MANBA: variants seen among roughly 807,000 people sequenced by gnomAD.
The protein encoded by MANBA is mannosidase beta.
Under a neutral mutation model 111.1 loss-of-function variants are expected in MANBA, and 83 were observed. The observed-to-expected ratio is 0.75, with a 90% CI of 0.63 to 0.90. The LOEUF is 0.90. MANBA is among the 40% of genes least tolerant of loss of function. The pLI is 0.00. For missense variants in MANBA, 1,036 were observed against 1,069.0 expected (o/e 0.97, Z 0.43); for synonymous variants, 370 against 378.7 (o/e 0.98, Z 0.27).
At chr4:102,688,574 A>C (rs1336937201) in intron 7 of MANBA, among the ~76,000 whole-genome samples, 1 of 152,212 alleles carries the variant, frequency 6.6e-6, no homozygotes, top group East Asian at 1.9e-4. Context: ...TAAACACCGA[A>C]GCTGGTGTCT....
intron 13 of MANBA, among the ~76,000 whole-genome samples, chr4:102,644,864 C>T (rs972324544): frequency 2.6e-5 from 4 of 151,848 alleles, no homozygotes; most frequent in Admixed American, 6.6e-5. Flanking sequence ...TCATGTTGTA[C>T]ACCACAAATA....
chr4:102,669,158 A>C (rs1731374035), intron 9 of MANBA, 109 bp from the exon 10 acceptor site: 1 of 866,738 alleles, frequency 1.2e-6, no homozygotes, highest in Non-Finnish European at 1.9e-6. Flanking sequence ...TGAAAAATCC[A>C]GTTAGCCTGA....
intron 5 of MANBA, among the ~76,000 whole-genome samples, chr4:102,694,070 A>G (rs767195911): frequency 2.0e-5 from 3 of 152,188 alleles, no homozygotes; most frequent in Non-Finnish European, 4.4e-5. Context: ...CTCTGACAGG[A>G]AAACAAATAA....
intron 12 of MANBA, among the ~76,000 whole-genome samples, chr4:102,657,233 T>TG (rs1730603182): frequency 2.3e-5 from 1 of 43,448 alleles, no homozygotes; most frequent in Non-Finnish European, 4.4e-5. Context: ...GGGGGGGGGG[T>TG]GGGCGGTGGT....
chr4:102,688,583 C>T (rs1241807718), intron 7 of MANBA, among the ~76,000 whole-genome samples: 1 of 152,154 alleles, frequency 6.6e-6, no homozygotes, highest in African/African-American at 2.4e-5. Context: ...AAGCTGGTGT[C>T]TGGGAGAGGA....
intron 9 of MANBA, among the ~76,000 whole-genome samples, chr4:102,670,711 T>C (rs1027404573): frequency 1.3e-5 from 2 of 151,796 alleles, no homozygotes; most frequent in Non-Finnish European, 2.9e-5. Context: ...GGATGCTAAT[T>C]TACTAAAAAT....
intron 5 of MANBA, among the ~76,000 whole-genome samples, chr4:102,697,928 G>A (rs1357134315): frequency 1.4e-4 from 22 of 151,894 alleles, no homozygotes; most frequent in Non-Finnish European, 2.5e-4. Flanking sequence ...CTGAGGAATC[G>A]CCACACTGAC....
chr4:102,695,924 G>A (rs1037417737), intron 5 of MANBA, among the ~76,000 whole-genome samples: 3 of 152,118 alleles, frequency 2.0e-5, no homozygotes, highest in South Asian at 4.1e-4. Context: ...GAGGGTCTCT[G>A]TAAAAAAAGA....
At chr4:102,655,192 C>T (rs988042953) in intron 12 of MANBA, among the ~76,000 whole-genome samples, 1 of 152,014 alleles carries the variant, frequency 6.6e-6, no homozygotes, top group Non-Finnish European at 1.5e-5. Context: ...AAGAAGACAT[C>T]CCATGTTCAT....
chr4:102,709,291 GA>G (rs1721916093), intron 5 of MANBA, among the ~76,000 whole-genome samples: 1 of 47,678 alleles, frequency 2.1e-5, no homozygotes. Flanking sequence ...AGAAAGGAAG[GA>G]AGGAAGGAAG....
chr4:102,725,040 C>T (rs1722740687), intron 2 of MANBA, among the ~76,000 whole-genome samples: 1 of 152,000 alleles, frequency 6.6e-6, no homozygotes, highest in Admixed American at 6.6e-5. Context: ...TCCAGAGGGA[C>T]AGAAAGTAAA....
At chr4:102,705,190 T>C (rs993486886) in intron 5 of MANBA, among the ~76,000 whole-genome samples, 6 of 152,150 alleles carry the variant, frequency 3.9e-5, no homozygotes, top group African/African-American at 9.7e-5. Context: ...GTGAGTGGCC[T>C]CCAGTGGTCT....
intron 7 of MANBA, among the ~76,000 whole-genome samples, chr4:102,686,275 C>A (rs1258511720): frequency 6.6e-6 from 1 of 152,158 alleles, no homozygotes; most frequent in Non-Finnish European, 1.5e-5. Flanking sequence ...TACTGAAAAT[C>A]ATAACTTCAT....
Position 102,634,810 on chromosome 4 carries a change from C to T in MANBA, c.2393G>A (p.Gly798Glu). ...TACAGTGATCTGCGCCTTGCAGAGC[C>T]CCACGGCCTCCTTCGGTGAGGACAA... ...HFLSSPKEAV[G>E]LCKAQITAII... Residue 798 changes from glycine (G) to glutamate (E), a missense_variant, in exon 16 of 17, where the codon GGG becomes GAG. By Grantham distance (98) the Gly-to-Glu change is moderately conservative. Transcript: ENST00000647097. The T allele has an allele frequency of 1.2e-6, 2 of 1,613,948 alleles. No homozygotes were observed. The highest frequency in any genetic ancestry group is 1.1e-5 in the South Asian group (1 of 91,066).
Position 102,726,647 on chromosome 4 carries a change from A to T in MANBA, c.214T>A (p.Trp72Arg). The change falls in exon 2 of 17, where the codon TGG becomes AGG. Residue 72 changes from tryptophan to arginine, a missense_variant. Transcript: ENST00000647097. ...TAGGTCCAGTTATCCAAAGAGACCC[A>T]TCTGTAGTTAAGGTCATTAAATCTG... is the stretch of plus-strand genomic sequence containing the variant. ...YYRFNDLNYR[W>R]VSLDNWTYSK... 1 of 1,574,458 alleles carries T rather than the reference A, an allele frequency of 6.4e-7. No individual in the cohort carries two copies. The highest frequency in any genetic ancestry group is 1.1e-5 in the South Asian group (1 of 89,890).
At chr4:102,651,385 G>A (rs192579601) in intron 12 of MANBA, among the ~76,000 whole-genome samples, 54 of 151,528 alleles carry the variant, frequency 3.6e-4, no homozygotes, top group Admixed American at 2.3e-3. Context: ...TTCTTTTGTC[G>A]TCAGCTCAAA....
At chr4:102,716,973 G>A (rs534086666) in intron 4 of MANBA, among the ~76,000 whole-genome samples, 1 of 152,264 alleles carries the variant, frequency 6.6e-6, no homozygotes, top group African/African-American at 2.4e-5. Context: ...TACCACTTAA[G>A]CACCAGATTC....
At chr4:102,663,521 T>A (rs1042875886) in intron 11 of MANBA, among the ~76,000 whole-genome samples, 1 of 152,238 alleles carries the variant, frequency 6.6e-6, no homozygotes, top group African/African-American at 2.4e-5. Flanking sequence ...ATTTTGTGAA[T>A]AGAAAAATTC....
chr4:102,650,755 T>C (rs1730299023), intron 12 of MANBA, 54 bp from the exon 13 acceptor site: 8 of 1,424,934 alleles, frequency 5.6e-6, no homozygotes, highest in Non-Finnish European at 7.9e-6. Context: ...TAAAACTACT[T>C]TTCTATAAGT....
Sources: allele counts gnomAD v4.1 joint callset (sites outside exome capture counted in the v4.1 genomes callset), GRCh38; gene constraint gnomAD v4.1.1; transcripts MANE v1.5; gene names NCBI Gene and HGNC (gene_info 2026-07-23, HGNC 2026-07-21).